The following GPM6B variants were observed in gnomAD, a reference collection of about 807,000 sequenced individuals.
GPM6B encodes the protein glycoprotein M6B.
GPM6B carries 4 observed loss-of-function variants against 27.2 expected under a neutral mutation model. The ratio of observed to expected loss-of-function variants is 0.15; its 90% confidence interval spans 0.07 to 0.34. The LOEUF is 0.34. GPM6B is among the 10% of genes least tolerant of loss of function. The probability of loss-of-function intolerance (pLI) is 1.00; values close to 1 mark genes in which losing one functional copy is unlikely to be tolerated. For missense variants in GPM6B, 183 were observed against 261.9 expected, an observed-to-expected ratio of 0.70 and a Z score of 2.08; for synonymous variants, 124 against 103.1, an observed-to-expected ratio of 1.20 and a Z score of -1.23.
Position 13,772,113 on chromosome X carries a change from C to T in GPM6B, c.*768G>A, listed in dbSNP as rs1268364633. The T allele has an allele frequency of 1.8e-5, 2 of 112,230 alleles. No individual in the cohort carries two copies. Among genetic ancestry groups the T allele is most frequent in the Admixed American group, 9.5e-5 (1 of 10,566 alleles). The allele number at this position is 112,230 out of a possible 1,213,427, so 9.2% of individuals were successfully genotyped here. A position where few individuals can be genotyped will look rare whatever the true frequency, so the allele number is the denominator to read the frequency against. On this transcript the variant is annotated 3_prime_UTR_variant, in exon 8 of 8. Coordinates refer to ENST00000316715, the MANE Select transcript of GPM6B (RefSeq NM_001001995.3). ...AATTCTTAGAAATTTAAAGCAAATA[C>T]TCATTAAGGCAAAGCTGACATTTCT...
intron 1 of GPM6B, among the ~76,000 whole-genome samples, chrX:13,886,742 A>AAAAAAAAAAAAAAAAAAAAAAAAC (rs2050140386): frequency 1.9e-5 from 2 of 103,576 alleles, no homozygotes; most frequent in African/African-American, 7.1e-5. Flanking sequence ...AAAAAAAAAA[A>AAAAAAAAAAAAAAAAAAAAAAAAC]TCTAGAAACT....
chrX:13,794,180 C>G (rs2048765445), intron 2 of GPM6B, among the ~76,000 whole-genome samples: 1 of 107,253 alleles, frequency 9.3e-6, no homozygotes, highest in Admixed American at 9.9e-5. Flanking sequence ...TTCTCTCTCT[C>G]TCTCTCTTTT....
intron 7 of GPM6B, 90 bp downstream of exon 7, chrX:13,776,148 A>G: frequency 1.4e-6 from 1 of 740,600 alleles, no homozygotes; most frequent in East Asian, 3.2e-5. Flanking sequence ...CATTGGCTTC[A>G]ATAGGCTGGT....
chrX:13,773,979 T>TTTTTTA, intron 7 of GPM6B: 1 of 689,753 alleles, frequency 1.4e-6, no homozygotes, highest in Non-Finnish European at 1.7e-6. Flanking sequence ...TTTTTTTTTT[T>TTTTTTA]CCAGAGAACT....
At chrX:13,919,164 A>G (rs1442396886) in intron 1 of GPM6B, among the ~76,000 whole-genome samples, 1 of 111,662 alleles carries the variant, frequency 9.0e-6, no homozygotes, top group Non-Finnish European at 1.9e-5. Flanking sequence ...GAGTTTCCTG[A>G]CTGGCCAATA....
chrX:13,895,885 T>C (rs2050227904), intron 1 of GPM6B, among the ~76,000 whole-genome samples: 1 of 109,281 alleles, frequency 9.2e-6, no homozygotes, highest in Admixed American at 9.8e-5. Flanking sequence ...GGCTCACTCC[T>C]GTAATGCCAA....
chrX:13,926,421 C>CA (rs1410746837), intron 1 of GPM6B, among the ~76,000 whole-genome samples: 2 of 16,857 alleles, frequency 1.2e-4, no homozygotes, highest in African/African-American at 5.4e-4. Context: ...AAAAAACAAA[C>CA]AAACAAAAAA....
At chrX:13,931,295 A>AGGAGATGGAGACCATCCT (rs1569314292) in intron 1 of GPM6B, among the ~76,000 whole-genome samples, 13 of 110,975 alleles carry the variant, frequency 1.2e-4, no homozygotes, top group South Asian at 7.6e-4. Context: ...TCACAAGGTC[A>AGGAGATGGAGACCATCCT]GGCTATCATG....
intron 1 of GPM6B, among the ~76,000 whole-genome samples, chrX:13,912,981 ACTTT>A (rs2050391500): frequency 8.9e-6 from 1 of 112,654 alleles, no homozygotes; most frequent in Non-Finnish European, 1.9e-5. Flanking sequence ...TACAGCATAT[ACTTT>A]AGTTACCTTT....
At chrX:13,790,163 G>A (rs1176921278) in intron 2 of GPM6B, among the ~76,000 whole-genome samples, 1 of 112,202 alleles carries the variant, frequency 8.9e-6, no homozygotes, top group Admixed American at 9.4e-5. Flanking sequence ...CTGCCAGGGA[G>A]CATTTTTAAG....
intron 5 of GPM6B, 135 bp from the exon 6 acceptor site, chrX:13,777,560 T>G: frequency 2.1e-6 from 1 of 469,794 alleles, no homozygotes; most frequent in East Asian, 3.7e-5. Context: ...GGATCTGCTG[T>G]CTGCAGAACA....
chrX:13,922,531 C>T (rs1331596646), intron 1 of GPM6B, among the ~76,000 whole-genome samples: 1 of 112,148 alleles, frequency 8.9e-6, no homozygotes, highest in East Asian at 2.8e-4. Flanking sequence ...AGGCGGAAAG[C>T]CCAACGCCTT....
intron 1 of GPM6B, among the ~76,000 whole-genome samples, chrX:13,841,749 G>A (rs1295463725): frequency 2.7e-5 from 3 of 111,497 alleles, no homozygotes; most frequent in Non-Finnish European, 5.6e-5. Flanking sequence ...CTTTCATGGA[G>A]TTGTTCAACC....
At position 13,873,692 on chromosome X, in the gene GPM6B, G is replaced by A. The variant is rs1402377607; in HGVS notation, c.-198+64635C>T. ...CCTGGCATATGGTAAGCCCTCCAGT[G>A]ACACTGATTATGAATATATCCTGGG... On this transcript the variant is annotated intron_variant, in intron 1 of 6. Transcript: ENST00000398361. Among the ~76,000 whole-genome samples the A allele has an allele frequency of 3.6e-5, 4 of 111,735 alleles. No individual in the cohort carries two copies. In the Admixed American group the frequency reaches 3.8e-4, roughly 11 times the overall value.
At chrX:13,781,443 C>T (rs1229164954) in intron 4 of GPM6B, among the ~76,000 whole-genome samples, 1 of 111,972 alleles carries the variant, frequency 8.9e-6, no homozygotes, top group Non-Finnish European at 1.9e-5. Context: ...ACAATTTGCC[C>T]ACAAGGAAAT....
At chrX:13,887,362 T>C (rs932557925) in intron 1 of GPM6B, among the ~76,000 whole-genome samples, 5 of 111,987 alleles carry the variant, frequency 4.5e-5, no homozygotes, top group African/African-American at 1.6e-4. Flanking sequence ...CCATCTTGAT[T>C]ACACAAGACA....
intron 7 of GPM6B, chrX:13,773,953 CTTTTTTTTTTT>C (rs772367299): frequency 4.7e-4 from 203 of 436,280 alleles, no homozygotes; most frequent in South Asian, 6.0e-4. Flanking sequence ...CATATAAATC[CTTTTTTTTTTT>C]TTTTTTTTTT....
chrX:13,783,582 C>G, intron 3 of GPM6B, 61 bp from the exon 4 acceptor site: 2 of 950,527 alleles, frequency 2.1e-6, no homozygotes, highest in Non-Finnish European at 2.9e-6. Context: ...GACTACGTTT[C>G]TGGACGCTGG....
At chrX:13,934,582 C>T (rs943143082) in intron 1 of GPM6B, among the ~76,000 whole-genome samples, 1 of 111,909 alleles carries the variant, frequency 8.9e-6, no homozygotes, top group African/African-American at 3.2e-5. Context: ...ATACTGGAAG[C>T]ATGCACATCG....
Sources: gnomAD v4.1 joint callset for allele counts (sites outside exome capture counted in the v4.1 genomes callset) on GRCh38, gnomAD v4.1.1 for gene constraint, MANE v1.5 for transcripts, NCBI Gene and HGNC (gene_info 2026-07-23, HGNC 2026-07-21) for gene names.